DNMT3B: variants seen among roughly 807,000 people sequenced by gnomAD.
DNMT3B encodes DNA (cytosine-5)-methyltransferase 3B.
In DNMT3B, 37 loss-of-function variants were observed where a neutral mutation model predicts 120.2. The ratio of observed to expected loss-of-function variants is 0.31; its 90% CI spans 0.24 to 0.40. The LOEUF (loss-of-function observed/expected upper bound fraction) is 0.40, where lower values mean the gene tolerates loss of function less well. Ranked by LOEUF, DNMT3B falls within the 10% of genes least tolerant of loss-of-function variation. The pLI, the probability that DNMT3B is intolerant of heterozygous loss-of-function variation, is 1.00. For synonymous variants in DNMT3B, 412 were observed against 442.8 expected, an observed-to-expected ratio of 0.93 and a Z score of 0.87; for missense variants, 878 against 1,137.3, an observed-to-expected ratio of 0.77 and a Z score of 3.28.
At chr20:32,793,702 C>G (rs1394804424) in intron 10 of DNMT3B, 107 bp downstream of exon 10, 16 of 1,261,314 alleles carry the variant, frequency 1.3e-5, no homozygotes, top group Non-Finnish European at 1.8e-5. Flanking sequence ...CTTGAAAAGT[C>G]AATCTGAACT....
rs757889243 is a variant in DNMT3B at position 32,799,296 on chromosome 20, G to A, written c.1727G>A (p.Arg576Gln). 1.9e-6 allele frequency: 3 copies of A among 1,613,530 alleles called. No individual in the cohort carries two copies. Among genetic ancestry groups the A allele is most frequent in the African/African-American group, 1.3e-5 (1 of 75,024 alleles). ...CCCGCAGCCCGAAGGCGGCCCATTC[G>A]AGTCCTGTCATTGTTTGATGGCATC... The part of the protein sequence containing the change: ...AIPAARRRPI[R>Q]VLSLFDGIAT... The change falls in exon 16 of 23, where the codon CGA (arginine) becomes CAA (glutamine). Residue 576 changes from arginine (R) to glutamine (Q), a missense_variant. Arg to Gln is a conservative substitution (Grantham distance 43). Coordinates refer to ENST00000328111, the MANE Select transcript of DNMT3B (RefSeq NM_006892.4).
chr20:32,789,547 G>A (rs1381947478), intron 7 of DNMT3B, among the ~76,000 whole-genome samples: 1 of 152,182 alleles, frequency 6.6e-6, no homozygotes, highest in Non-Finnish European at 1.5e-5. Context: ...GAAGAGCTGT[G>A]TTGGGCATAA....
intron 1 of DNMT3B, among the ~76,000 whole-genome samples, chr20:32,773,959 T>TA (rs1987912602): frequency 6.8e-6 from 1 of 147,960 alleles, no homozygotes; most frequent in Non-Finnish European, 1.5e-5. Context: ...TTTTTTTTTT[T>TA]TACGCTTTCC....
In DNMT3B at chr20:32,781,427, C is replaced by T. The variant is rs560602182; in HGVS notation, c.204+13C>T. ...AAGCTACACACAGGTATGGTCTCTG[C>T]TCTCCCTTTTTCAGGGCTCAGGGAC... On this transcript the variant is annotated intron_variant, in intron 3 of 22. Transcript: ENST00000328111. 2.5e-4 allele frequency: 404 copies of T among 1,614,162 alleles called. 2 individuals carry two copies. The South Asian group carries it at 4.0e-3, about 16-fold the overall frequency.
intron 5 of DNMT3B, 119 bp downstream of exon 5, chr20:32,786,746 T>C (rs1979342879): frequency 2.0e-6 from 3 of 1,534,322 alleles, no homozygotes; most frequent in Non-Finnish European, 1.8e-6. Flanking sequence ...ACACTGCTTT[T>C]CAGGTTCTTG....
intron 21 of DNMT3B, 68 bp from the exon 22 acceptor site, chr20:32,806,141 C>A: frequency 1.4e-6 from 2 of 1,454,118 alleles, no homozygotes; most frequent in Non-Finnish European, 1.9e-6. Context: ...TTCCCAGGTA[C>A]TTTTGAGCCT....
At chr20:32,783,205 G>T (rs1336882816) in intron 3 of DNMT3B, among the ~76,000 whole-genome samples, 1 of 152,206 alleles carries the variant, frequency 6.6e-6, no homozygotes, top group African/African-American at 2.4e-5. Flanking sequence ...GGGATTACAA[G>T]TGTGAGCCAC....
intron 18 of DNMT3B, 57 bp downstream of exon 18, chr20:32,800,982 C>A: frequency 6.3e-7 from 1 of 1,590,264 alleles, no homozygotes; most frequent in Non-Finnish European, 8.6e-7. Flanking sequence ...GACCACTGGC[C>A]CAGGTGCAGC....
chr20:32,778,750 C>T (rs1988206491), intron 1 of DNMT3B, among the ~76,000 whole-genome samples: 1 of 152,172 alleles, frequency 6.6e-6, no homozygotes, highest in Admixed American at 6.5e-5. Context: ...CCCTTGAGGC[C>T]AGGAGTTTGA....
At chr20:32,788,747 C>A (rs1055680543) in intron 6 of DNMT3B, 107 bp from the exon 7 acceptor site, 3 of 1,434,604 alleles carry the variant, frequency 2.1e-6, no homozygotes, top group Non-Finnish European at 2.9e-6. Flanking sequence ...CTACATCTTG[C>A]ATTTTATGGC....
rs778249554 is a variant in DNMT3B, at chr20:32,762,515, G to A, written c.-191G>A. Reference sequence around the variant, plus strand: ...GGGACCGGCTCCCTGGCGGTCGGGCGAGCGGGCGGCAACGCTGCCCGGCCG... The same window carrying A: ...GGGACCGGCTCCCTGGCGGTCGGGCAAGCGGGCGGCAACGCTGCCCGGCCG... On this transcript the variant is annotated 5_prime_UTR_variant, in exon 1 of 23. Coordinates refer to ENST00000328111, the MANE Select transcript of DNMT3B (RefSeq NM_006892.4). 1.7e-5 allele frequency: 5 copies of A among 299,786 alleles called. No homozygotes were observed. Among genetic ancestry groups the A allele is most frequent in the Admixed American group, 1.1e-4 (3 of 28,460 alleles). The allele number at this position is 299,786 out of a possible 1,614,324, so 18.6% of individuals were successfully genotyped here. A position where few individuals can be genotyped will look rare whatever the true frequency, so the allele number is the denominator to read the frequency against.
In DNMT3B at chr20:32,802,420, T is replaced by G. The variant is rs1981466934; in HGVS notation, c.2181T>G (p.Ser727=). The change falls in exon 20 of 23, where the codon TCT becomes TCG. Residue 727 remains serine, a synonymous_variant. Coordinates refer to ENST00000328111, the MANE Select transcript of DNMT3B (RefSeq NM_006892.4). ...NPVMIDAIKV[S]AAHRARYFWG... is the part of the protein sequence containing the mutation. ...TGATGATTGATGCCATCAAAGTTTC[T>G]GCTGCTCACAGGGCCCGATACTTCT... The G allele has an allele frequency of 6.2e-7, 1 of 1,614,108 alleles. No homozygotes were observed. The highest frequency in any genetic ancestry group is 1.3e-5 in the African/African-American group (1 of 74,936).
chr20:32,801,311 A>G lies in DNMT3B; in HGVS notation c.2030A>G (p.His677Arg), dbSNP rs1981311438. The change falls in exon 19 of 23, where the codon CAC becomes CGC. Residue 677 changes from histidine (H) to arginine (R), a missense_variant. His to Arg is a conservative substitution (Grantham distance 29). This residue lies in a region of DNMT3B where 334 missense variants were observed against 518.8 expected (regional missense o/e 0.64). Coordinates refer to ENST00000328111, the MANE Select transcript of DNMT3B (RefSeq NM_006892.4). Reference protein sequence around the residue: ...GTGRLFFEFYHLLNYSRPKEG... With the variant: ...GTGRLFFEFYRLLNYSRPKEG... ...GGCCGGCTCTTCTTCGAATTTTACC[A>G]CCTGCTGAATTACTCACGCCCCAAG... 1 of 1,613,832 alleles carries G rather than the reference A, an allele frequency of 6.2e-7. No homozygotes were observed. The highest frequency in any genetic ancestry group is 8.5e-7 in the Non-Finnish European group (1 of 1,179,980).
At chr20:32,778,432 C>T (rs1485294283) in intron 1 of DNMT3B, among the ~76,000 whole-genome samples, 1 of 152,142 alleles carries the variant, frequency 6.6e-6, no homozygotes, top group Non-Finnish European at 1.5e-5. Flanking sequence ...CTCCAGCCAG[C>T]TCCCACTTCC....
chr20:32,798,650 C>T lies in DNMT3B; in HGVS notation c.1674+7C>T, dbSNP rs1980948301. On this transcript the variant is annotated splice_region_variant and intron_variant, in intron 15 of 22. Transcript: ENST00000328111. ...TGACACGGGGCTTGAATATGTAAGC[C>T]ACAGGCTCCCGCCTCTACCACCACA... The T allele has an allele frequency of 5.0e-6, 8 of 1,611,820 alleles. No homozygotes were observed. Among genetic ancestry groups the T allele is most frequent in the African/African-American group, 1.3e-5 (1 of 74,942 alleles).
intron 1 of DNMT3B, among the ~76,000 whole-genome samples, chr20:32,773,736 C>T (rs1300417734): frequency 4.6e-5 from 7 of 151,694 alleles, no homozygotes; most frequent in African/African-American, 1.7e-4. Flanking sequence ...CATCAGCCTC[C>T]GAGGAGGTGG....
rs569361560 is a variant in DNMT3B at position 32,787,102 on chromosome 20, G to A, written c.433-128G>A. ...GTGTTCCTGGAAAAGTTTCTTCAGC[G>A]GTCTCTGTTCTCTTTAACTTCAGTC... On this transcript the variant is annotated intron_variant, in intron 5 of 22. Transcript: ENST00000328111. The A allele has an allele frequency of 1.1e-3, 1,286 of 1,125,824 alleles. 5 individuals carry two copies. Among genetic ancestry groups the A allele is most frequent in the Non-Finnish European group, 1.1e-3 (854 of 744,732 alleles). 69.7% of individuals were successfully genotyped at this position (1,125,824 alleles called of 1,614,324 possible). A position where few individuals can be genotyped will look rare whatever the true frequency, so the allele number is the denominator to read the frequency against.
chr20:32,802,672 T>C (rs1388732983), intron 20 of DNMT3B, among the ~76,000 whole-genome samples: 1 of 152,174 alleles, frequency 6.6e-6, no homozygotes, highest in Non-Finnish European at 1.5e-5. Flanking sequence ...GTCCCACTCT[T>C]ACCTGTTGTA....
chr20:32,781,154 C>A (rs6141814), intron 2 of DNMT3B, among the ~76,000 whole-genome samples, 199 bp from the exon 3 acceptor site: 63,475 of 151,944 alleles, frequency 0.42, 14,281 homozygotes, highest in East Asian at 0.92. Flanking sequence ...ACGTGCCTGG[C>A]CCAGGGCTCT....
Sources: allele counts gnomAD v4.1 joint callset (sites outside exome capture counted in the v4.1 genomes callset), GRCh38; gene constraint gnomAD v4.1.1; regional missense constraint gnomAD v4.1.1; transcripts MANE v1.5; gene names NCBI Gene and HGNC (gene_info 2026-07-23, HGNC 2026-07-21).